The following USP47 variants were observed in gnomAD, a reference collection of about 807,000 sequenced individuals.
USP47 encodes ubiquitin carboxyl-terminal hydrolase 47.
A neutral mutation model predicts 165.1 loss-of-function variants in USP47; 35 were observed. The observed-to-expected ratio is 0.21, with a 90% CI of 0.16 to 0.28. USP47 has a LOEUF of 0.28. USP47 is among the 10% of genes least tolerant of loss of function. USP47 has a pLI of 1.00. For synonymous variants in USP47, 531 were observed against 544.5 expected, an observed-to-expected ratio of 0.98 and a Z score of 0.35; for missense variants, 1,277 against 1,607.4, an observed-to-expected ratio of 0.79 and a Z score of 3.52.
intron 4 of USP47, 95 bp from the exon 5 acceptor site, chr11:11,897,502 C>T: frequency 3.2e-6 from 3 of 938,182 alleles, no homozygotes; most frequent in Non-Finnish European, 3.2e-6. Context: ...GTAACTTTAA[C>T]CTCTGAATCT....
At chr11:11,929,939 G>T in intron 12 of USP47, 105 bp from the exon 13 acceptor site, 1 of 904,430 alleles carries the variant, frequency 1.1e-6, no homozygotes, top group East Asian at 2.6e-5. Context: ...AATCATGAAG[G>T]TCTTTGATAG....
chr11:11,878,039 CAT>C (rs1850589640), intron 1 of USP47, among the ~76,000 whole-genome samples: 1 of 151,882 alleles, frequency 6.6e-6, no homozygotes, highest in Non-Finnish European at 1.5e-5. Flanking sequence ...ATAAGCCACA[CAT>C]GAGATTGAAT....
intron 3 of USP47, among the ~76,000 whole-genome samples, chr11:11,888,833 A>C (rs1851332908): frequency 6.6e-6 from 1 of 152,212 alleles, no homozygotes; most frequent in Non-Finnish European, 1.5e-5. Context: ...ATTCAGCAGC[A>C]CATCAAAAAG....
chr11:11,927,878 A>G lies in USP47; in HGVS notation c.1387-1556A>G, dbSNP rs139459429. Reference sequence around the variant, plus strand: ...TTTCCTTCCTACTTTTTGGCAATGTATTTGTGATTTGAAACTAAAATTATT... The same window carrying G: ...TTTCCTTCCTACTTTTTGGCAATGTGTTTGTGATTTGAAACTAAAATTATT... On this transcript the variant is annotated intron_variant, in intron 11 of 27. Coordinates refer to ENST00000527733, the MANE Select transcript of USP47 (RefSeq NM_001282659.2). Among the ~76,000 whole-genome samples the G allele has an allele frequency of 7.5e-3, 1,146 of 152,186 alleles. 18 individuals are homozygous for G. Among genetic ancestry groups the G allele is most frequent in the African/African-American group, 0.026 (1,100 of 41,566 alleles).
rs182328744 is a variant in USP47 at position 11,847,794 on chromosome 11, A to G, written c.39+5570A>G. ...CATCCTCCCCACAACTGCCAGGGTT[A>G]CTTTCTAAAACAGATGAGATTAAGA... On this transcript the variant is annotated intron_variant, in intron 1 of 27. Coordinates refer to ENST00000527733, the MANE Select transcript of USP47 (RefSeq NM_001282659.2). Among the ~76,000 whole-genome samples, 591 of 152,314 alleles carry G rather than the reference A, an allele frequency of 3.9e-3. 2 individuals carry two copies. Among genetic ancestry groups the G allele is most frequent in the Non-Finnish European group, 6.2e-3 (420 of 68,018 alleles).
At position 11,846,954 on chromosome 11, in the gene USP47, G is replaced by A. The variant is rs1237322362; in HGVS notation, c.39+4730G>A. ...GAGACAAGTTTGTCAAGTTATACCC[G>A]CCAGCGTTTTAAACAAATTGGAGTG... On this transcript the variant is annotated intron_variant, in intron 1 of 27. Coordinates refer to ENST00000527733, the MANE Select transcript of USP47 (RefSeq NM_001282659.2). 2.6e-5 allele frequency among the ~76,000 whole-genome samples: 4 copies of A among 152,008 alleles called. No individual in the cohort carries two copies. The South Asian group carries it at 6.2e-4, about 24-fold the overall frequency.
intron 8 of USP47, among the ~76,000 whole-genome samples, chr11:11,913,724 T>C (rs1853194588): frequency 1.3e-5 from 2 of 152,046 alleles, no homozygotes; most frequent in African/African-American, 4.8e-5. Context: ...GTGACTATAG[T>C]TAACAATATA....
intron 8 of USP47, among the ~76,000 whole-genome samples, chr11:11,910,182 A>G (rs1852860912): frequency 6.6e-6 from 1 of 152,174 alleles, no homozygotes; most frequent in Non-Finnish European, 1.5e-5. Context: ...CTTGAGCATT[A>G]TATGTAAAAT....
intron 1 of USP47, among the ~76,000 whole-genome samples, chr11:11,857,632 C>T (rs958095362): frequency 4.6e-5 from 7 of 152,202 alleles, no homozygotes; most frequent in Admixed American, 6.5e-5. Context: ...GGCCATTTCA[C>T]GCTTACTTCT....
In USP47 at chr11:11,936,577, T is replaced by A. The variant is rs569667939; in HGVS notation, c.2077+67T>A. On this transcript the variant is annotated intron_variant, in intron 17 of 27. Coordinates refer to ENST00000527733, the MANE Select transcript of USP47 (RefSeq NM_001282659.2). The stretch of plus-strand genomic sequence containing the variant: ...ATTTTCATGAGAAAGTTTTTTTTTT[T>A]ATTGTAGAAATGAACATAATTTAAA... The A allele has an allele frequency of 4.3e-5, 55 of 1,291,384 alleles. No homozygotes were observed. In the African/African-American group the frequency reaches 5.4e-4, roughly 13 times the overall value. The allele number at this position is 1,291,384 out of a possible 1,614,324, so 80.0% of individuals were successfully genotyped here.
At chr11:11,944,034 C>T (rs773116935) in intron 20 of USP47, among the ~76,000 whole-genome samples, 10 of 151,466 alleles carry the variant, frequency 6.6e-5, no homozygotes, top group African/African-American at 2.2e-4. Flanking sequence ...ATGACTTGTC[C>T]AAAAGTGCAT....
Position 11,933,925 on chromosome 11 carries a change from T to G in USP47, c.1859T>G (p.Met620Arg), listed in dbSNP as rs1326775668. The G allele has an allele frequency of 3.1e-6, 5 of 1,604,376 alleles. No homozygotes were observed. The African/African-American group carries it at 6.7e-5, about 22-fold the overall frequency. ...KDKTLKEAVEMAYKMMDLEEV... is the reference protein window; with the variant it reads ...KDKTLKEAVERAYKMMDLEEV... ...AAGACATTAAAGGAAGCAGTAGAAA[T>G]GGCTTATAAGGTATGTTTAATTGCA... Residue 620 changes from methionine (M) to arginine (R), a missense_variant, in exon 16 of 28, where the codon ATG becomes AGG. Physicochemically the swap from Met to Arg is moderately conservative, Grantham distance 91 (BLOSUM62 -1). Coordinates refer to ENST00000527733, the MANE Select transcript of USP47 (RefSeq NM_001282659.2).
At chr11:11,939,837 AC>A (rs1298417953) in intron 18 of USP47, among the ~76,000 whole-genome samples, 1 of 152,010 alleles carries the variant, frequency 6.6e-6, no homozygotes, top group Non-Finnish European at 1.5e-5. Context: ...ATAACTGATG[AC>A]CTTAGTTGCA....
rs1383001736 is a variant in USP47, at chr11:11,891,951, A to C, written c.358-17A>C. The C allele has an allele frequency of 6.2e-7, 1 of 1,607,328 alleles. No homozygotes were observed. Among genetic ancestry groups the C allele is most frequent in the Admixed American group, 1.7e-5 (1 of 58,778 alleles). Reference sequence around the variant, plus strand: ...ACATTTGCTATTTACTAACTATTTGAATATGTTGCATTTTAGGAGGATTCC... The same window carrying C: ...ACATTTGCTATTTACTAACTATTTGCATATGTTGCATTTTAGGAGGATTCC... On this transcript the variant is annotated splice_polypyrimidine_tract_variant and intron_variant, in intron 3 of 27. Coordinates refer to ENST00000527733, the MANE Select transcript of USP47 (RefSeq NM_001282659.2).
chr11:11,948,547 A>C lies in USP47; in HGVS notation c.3337A>C (p.Asn1113His), dbSNP rs1342063695. 6.2e-7 allele frequency: 1 copy of C among 1,610,670 alleles called. No homozygotes were observed. The highest frequency in any genetic ancestry group is 1.7e-5 in the Admixed American group (1 of 59,972). Residue 1113 changes from asparagine to histidine, a missense_variant, in exon 22 of 28, where the codon AAT becomes CAT. Transcript: ENST00000527733. ...YRVKVYQLLV[N>H]EQEPCKFLLD... is the part of the protein sequence containing the mutation. Reference sequence around the variant, plus strand: ...AGTTAAAGTATACCAGCTTTTGGTCAATGAACAAGAGGTAAGTAATACGTT... The same window carrying C: ...AGTTAAAGTATACCAGCTTTTGGTCCATGAACAAGAGGTAAGTAATACGTT...
rs1847233529 is a variant in USP47 at position 11,957,022 on chromosome 11, T to C, written c.*847T>C. The C allele has an allele frequency of 6.6e-6, 1 of 152,234 alleles. No individual in the cohort carries two copies. The highest frequency in any genetic ancestry group is 2.4e-5 in the African/African-American group (1 of 41,462). 9.4% of individuals were successfully genotyped at this position (152,234 alleles called of 1,614,324 possible). ...GTACATTTGTGTACATTGAGAAGTA[T>C]AGCAATCTATGTAAATGTAATCCTC... On this transcript the variant is annotated 3_prime_UTR_variant, in exon 28 of 28. Transcript: ENST00000527733.
intron 1 of USP47, among the ~76,000 whole-genome samples, chr11:11,861,506 T>G (rs1849385069): frequency 6.6e-6 from 1 of 152,212 alleles, no homozygotes; most frequent in Non-Finnish European, 1.5e-5. Flanking sequence ...AAACTATTCT[T>G]TTAAAGTTCT....
chr11:11,945,242 G>C (rs1016176118), intron 20 of USP47, among the ~76,000 whole-genome samples: 1 of 152,158 alleles, frequency 6.6e-6, no homozygotes, highest in African/African-American at 2.4e-5. Flanking sequence ...TTGAGTCTGT[G>C]CTAAGACTGA....
At chr11:11,852,348 T>A (rs570590446) in intron 1 of USP47, among the ~76,000 whole-genome samples, 1 of 152,326 alleles carries the variant, frequency 6.6e-6, no homozygotes, top group Admixed American at 6.5e-5. Context: ...TATGGATATT[T>A]ATTCTTTGGA....
Sources: gnomAD v4.1 joint callset for allele counts (sites outside exome capture counted in the v4.1 genomes callset) on GRCh38, gnomAD v4.1.1 for gene constraint, MANE v1.5 for transcripts, NCBI Gene and HGNC (gene_info 2026-07-23, HGNC 2026-07-21) for gene names.